SLC6A5: variants seen among roughly 807,000 people sequenced by gnomAD.
SLC6A5 encodes the protein solute carrier family 6 member 5.
Under a neutral mutation model 90.5 loss-of-function variants are expected in SLC6A5, and 58 were observed. The observed-to-expected ratio is 0.64, with a 90% CI of 0.52 to 0.80. The LOEUF (loss-of-function observed/expected upper bound fraction) is 0.80, where lower values mean the gene tolerates loss of function less well. Among genes scored for constraint, SLC6A5 ranks in the 30% least tolerant of loss-of-function variants. SLC6A5 has a pLI of 0.00. For missense variants in SLC6A5, 1,015 were observed against 1,017.6 expected (o/e 1.00, Z 0.03); for synonymous variants, 427 against 401.4 (o/e 1.06, Z -0.76).
At chr11:20,627,895 T>C in intron 8 of SLC6A5, 85 bp from the exon 9 acceptor site, 2 of 931,856 alleles carry the variant, frequency 2.1e-6, no homozygotes, top group South Asian at 2.6e-5. Context: ...CCTGGAAACA[T>C]GATATGGCAC....
chr11:20,599,811 C>A (rs571068704), intron 1 of SLC6A5, 136 bp downstream of exon 1: 2 of 1,025,254 alleles, frequency 2.0e-6, no homozygotes, highest in South Asian at 1.3e-5. Flanking sequence ...GAACAATTCT[C>A]GCAGCCCTAG....
intron 2 of SLC6A5, 119 bp downstream of exon 2, chr11:20,601,784 G>A (rs772151799): frequency 1.4e-5 from 15 of 1,103,002 alleles, no homozygotes; most frequent in Non-Finnish European, 2.0e-5. Flanking sequence ...AGTGCCAGGT[G>A]ATGGATGCGG....
intron 10 of SLC6A5, among the ~76,000 whole-genome samples, chr11:20,632,700 C>T (rs1853131030): frequency 2.0e-5 from 3 of 152,144 alleles, no homozygotes; most frequent in Admixed American, 2.0e-4. Flanking sequence ...TCTTACTTGC[C>T]TTGATATAAT....
rs537030395 is a variant in SLC6A5, at chr11:20,643,003, T to A, written c.1970-3831T>A. 2.2e-3 allele frequency among the ~76,000 whole-genome samples: 340 copies of A among 152,274 alleles called. 1 individual carries two copies. Among genetic ancestry groups the A allele is most frequent in the African/African-American group, 7.8e-3 (323 of 41,560 alleles). On this transcript the variant is annotated intron_variant, in intron 13 of 15. Coordinates refer to ENST00000525748, the MANE Select transcript of SLC6A5 (RefSeq NM_004211.5). ...ATCCACCCCTTCCTACAGCTTGGGG[T>A]CCAGCTCTTTATCCCCTCTCGGGGA...
rs1395988814 is a variant in SLC6A5 at position 20,630,603 on chromosome 11, A to T, written c.1500-88A>T. The T allele has an allele frequency of 1.1e-5, 11 of 977,356 alleles. No homozygotes were observed. The South Asian group carries it at 1.7e-4, about 15-fold the overall frequency. The allele number at this position is 977,356 out of a possible 1,614,324, so 60.5% of individuals were successfully genotyped here. On this transcript the variant is annotated intron_variant, in intron 9 of 15. Coordinates refer to ENST00000525748, the MANE Select transcript of SLC6A5 (RefSeq NM_004211.5). ...TATGCCTACACATGTGCAGACAAAC[A>T]TGTGGGCACACATTTGTGTGTCCTT...
chr11:20,640,901 T>C, intron 13 of SLC6A5, among the ~76,000 whole-genome samples: 1 of 152,272 alleles, frequency 6.6e-6, no homozygotes, highest in Non-Finnish European at 1.5e-5. Flanking sequence ...AATAAGCCAG[T>C]GAATTGAAGA....
Position 20,614,670 on chromosome 11 carries a change from C to G in SLC6A5, c.986-9C>G, listed in dbSNP as rs1444559242. The G allele has an allele frequency of 6.2e-7, 1 of 1,612,800 alleles. No homozygotes were observed. Among genetic ancestry groups the G allele is most frequent in the South Asian group, 1.1e-5 (1 of 91,060 alleles). On this transcript the variant is annotated splice_polypyrimidine_tract_variant and intron_variant, in intron 5 of 15. Coordinates refer to ENST00000525748, the MANE Select transcript of SLC6A5 (RefSeq NM_004211.5). ...TAACTGTGTTTCTATTCTGTCCTCTCCTAAACAGATTCCTGTGTTATCAGT... is the reference window on the plus strand; with the variant it reads ...TAACTGTGTTTCTATTCTGTCCTCTGCTAAACAGATTCCTGTGTTATCAGT...
chr11:20,609,816 C>A (rs532851154), intron 5 of SLC6A5, among the ~76,000 whole-genome samples: 1 of 152,328 alleles, frequency 6.6e-6, no homozygotes, highest in East Asian at 1.9e-4. Context: ...CCCACTCCAG[C>A]CCCAGAGGAA....
chr11:20,604,417 C>G lies in SLC6A5; in HGVS notation c.672C>G (p.Asn224Lys), dbSNP rs1270999182. The G allele has an allele frequency of 6.2e-7, 1 of 1,601,488 alleles. No individual in the cohort carries two copies. Among genetic ancestry groups the G allele is most frequent in the Non-Finnish European group, 8.5e-7 (1 of 1,172,568 alleles). Residue 224 changes from asparagine to lysine, a missense_variant, in exon 3 of 16, where the codon AAC (asparagine) becomes AAG (lysine). This residue lies in a region of SLC6A5 where 567 missense variants were observed against 507.3 expected (regional missense o/e 1.12). Coordinates refer to ENST00000525748, the MANE Select transcript of SLC6A5 (RefSeq NM_004211.5). The stretch of plus-strand genomic sequence containing the variant: ...GGTTTCCCTACCTGGCCTTCCAGAA[C>G]GGGGGAGGTATGGCTTTTCCGCTCT... ...VWRFPYLAFQ[N>K]GGGAFLIPYL... is the part of the protein sequence containing the mutation.
chr11:20,601,467 C>A lies in SLC6A5; in HGVS notation c.342C>A (p.Pro114=), dbSNP rs61736605. 2 of 1,611,360 alleles carry A rather than the reference C, an allele frequency of 1.2e-6. No individual in the cohort carries two copies. The highest frequency in any genetic ancestry group is 1.7e-6 in the Non-Finnish European group (2 of 1,178,850). Reference sequence around the variant, plus strand: ...CGCCCCCTCCCGGGAGCTCCGGGCCCGGCAACGCGCTGCACTGTAAGATCC... The same window carrying A: ...CGCCCCCTCCCGGGAGCTCCGGGCCAGGCAACGCGCTGCACTGTAAGATCC... The part of the protein sequence containing the change: ...QASPPPGSSG[P]GNALHCKIPF... The change falls in exon 2 of 16, where the codon CCC becomes CCA. Residue 114 remains proline (P), a synonymous_variant. Transcript: ENST00000525748.
chr11:20,652,569 G>C, intron 15 of SLC6A5, 113 bp downstream of exon 15: 1 of 1,069,274 alleles, frequency 9.4e-7, no homozygotes, highest in East Asian at 2.4e-5. Flanking sequence ...GAGACTTGGT[G>C]ATGAAGCGAT....
At chr11:20,639,267 A>G (rs905802174) in intron 13 of SLC6A5, among the ~76,000 whole-genome samples, 26 of 152,122 alleles carry the variant, frequency 1.7e-4, no homozygotes, top group Middle Eastern at 3.4e-3. Flanking sequence ...AGAAAGTCCT[A>G]TTTGATTCAA....
Position 20,604,360 on chromosome 11 carries a change from G to C in SLC6A5, c.615G>C (p.Val205=). 1.2e-6 allele frequency: 2 copies of C among 1,614,176 alleles called. No individual in the cohort carries two copies. The highest frequency in any genetic ancestry group is 2.2e-5 in the East Asian group (1 of 44,872). The part of the protein sequence containing the change: ...SSKLDFILSM[V]GYAVGLGNVW... ...AACTGGACTTCATCCTGTCCATGGT[G>C]GGGTACGCAGTGGGGCTGGGCAATG... The change falls in exon 3 of 16, where the codon GTG becomes GTC. Residue 205 remains valine (V), a synonymous_variant. Transcript: ENST00000525748.
At position 20,652,389 on chromosome 11, in the gene SLC6A5, G is replaced by A. The variant is rs142440636; in HGVS notation, c.2171G>A (p.Cys724Tyr). The A allele has an allele frequency of 6.2e-7, 1 of 1,614,088 alleles. No individual in the cohort carries two copies. Among genetic ancestry groups the A allele is most frequent in the East Asian group, 2.2e-5 (1 of 44,878 alleles). The change falls in exon 15 of 16, where the codon TGT becomes TAT. Residue 724 changes from cysteine (C) to tyrosine (Y), a missense_variant. Physicochemically the swap from Cys to Tyr is radical, Grantham distance 194. Coordinates refer to ENST00000525748, the MANE Select transcript of SLC6A5 (RefSeq NM_004211.5). ...SMVLGWLMLACSVIWIPIMFV... is the reference protein window; with the variant it reads ...SMVLGWLMLAYSVIWIPIMFV... ...GTGCTCGGATGGCTAATGCTCGCCT[G>A]TTCCGTCATCTGGATCCCAATTATG...
intron 12 of SLC6A5, among the ~76,000 whole-genome samples, chr11:20,637,589 C>G (rs954562265): frequency 3.3e-5 from 5 of 152,072 alleles, no homozygotes; most frequent in Non-Finnish European, 7.4e-5. Flanking sequence ...GCGCATGTCT[C>G]TAGTCCCAGC....
intron 3 of SLC6A5, among the ~76,000 whole-genome samples, chr11:20,605,709 G>A (rs1339946656): frequency 3.3e-5 from 5 of 152,254 alleles, no homozygotes; most frequent in African/African-American, 1.2e-4. Flanking sequence ...TGCGAAGAGC[G>A]GCGGGGCAGA....
chr11:20,622,618 T>G (rs1176829211), intron 7 of SLC6A5, among the ~76,000 whole-genome samples: 1 of 152,202 alleles, frequency 6.6e-6, no homozygotes, highest in African/African-American at 2.4e-5. Flanking sequence ...TCAGTTAACT[T>G]CTCTGCAAAA....
Position 20,656,844 on chromosome 11 carries a change from AC to A in SLC6A5, c.*1978del, listed in dbSNP as rs1240994809. 2.0e-5 allele frequency: 3 copies of A among 152,130 alleles called. No homozygotes were observed. The East Asian group carries it at 5.8e-4, about 29-fold the overall frequency. The allele number at this position is 152,130 out of a possible 1,614,324, so 9.4% of individuals were successfully genotyped here. A position where few individuals can be genotyped will look rare whatever the true frequency, so the allele number is the denominator to read the frequency against. On this transcript the variant is annotated 3_prime_UTR_variant, in exon 16 of 16. Coordinates refer to ENST00000525748, the MANE Select transcript of SLC6A5 (RefSeq NM_004211.5). ...CTTTAGGAAGCTGAGCTGTGGCCTC[AC>A]CTGTCTGCCATGAACACAGATTTCT... is the stretch of plus-strand genomic sequence containing the variant.
At chr11:20,604,249 C>A (rs747381402) in intron 2 of SLC6A5, 37 bp from the exon 3 acceptor site, 3 of 1,582,910 alleles carry the variant, frequency 1.9e-6, no homozygotes, top group Non-Finnish European at 2.6e-6. Context: ...TGGACCTACT[C>A]GGGGCTGTTA....
Sources: allele counts gnomAD v4.1 joint callset (sites outside exome capture counted in the v4.1 genomes callset), GRCh38; gene constraint gnomAD v4.1.1; regional missense constraint gnomAD v4.1.1; transcripts MANE v1.5; gene names NCBI Gene and HGNC (gene_info 2026-07-23, HGNC 2026-07-21).